TOGARAM2: variants seen among roughly 807,000 people sequenced by gnomAD.
TOGARAM2 encodes the protein TOG array regulator of axonemal microtubules protein 2.
In TOGARAM2, 85 loss-of-function variants were observed where a neutral mutation model predicts 93.3. The observed-to-expected ratio is 0.91, with a 90% CI of 0.76 to 1.09. The LOEUF is 1.09. TOGARAM2 is among the 50% of genes least tolerant of loss of function. TOGARAM2 has a pLI of 0.00. For synonymous variants in TOGARAM2, 593 were observed against 552.8 expected (o/e 1.07, Z -1.02); for missense variants, 1,277 against 1,334.5 (o/e 0.96, Z 0.67).
chr2:28,999,018 C>CT (rs1673138252), intron 3 of TOGARAM2, among the ~76,000 whole-genome samples, 163 bp from the exon 4 acceptor site: 1 of 152,114 alleles, frequency 6.6e-6, no homozygotes, highest in Non-Finnish European at 1.5e-5. Flanking sequence ...GAGACACTGT[C>CT]GAATGAATGA....
In TOGARAM2 at chr2:29,045,378, G is replaced by A. The variant is rs150801790; in HGVS notation, c.2690G>A (p.Arg897His). The change falls in exon 19 of 20, where the codon CGT becomes CAT. Residue 897 changes from arginine (R) to histidine (H), a missense_variant. Physicochemically the swap from Arg to His is conservative, Grantham distance 29. Coordinates refer to ENST00000379558, the MANE Select transcript of TOGARAM2 (RefSeq NM_199280.4). ...LAGRVRFLSG[R>H]AVLDVTDRLA... is the part of the protein sequence containing the mutation. The stretch of plus-strand genomic sequence containing the variant: ...GGGCGAGTGCGTTTCCTGAGTGGCC[G>A]TGCGGTGCTGGATGTCACAGATCGC... The A allele has an allele frequency of 2.0e-4, 324 of 1,613,550 alleles. No homozygotes were observed. Among genetic ancestry groups the A allele is most frequent in the Non-Finnish European group, 2.5e-4 (296 of 1,179,862 alleles).
intron 6 of TOGARAM2, among the ~76,000 whole-genome samples, chr2:29,009,060 A>G (rs1664056016): frequency 6.6e-6 from 1 of 152,218 alleles, no homozygotes; most frequent in Admixed American, 6.5e-5. Flanking sequence ...ATAGGTCACA[A>G]TCTGTGTGCT....
At chr2:29,024,020 G>C in intron 12 of TOGARAM2, 119 bp from the exon 13 acceptor site, 1 of 815,224 alleles carries the variant, frequency 1.2e-6, no homozygotes, top group Non-Finnish European at 1.9e-6. Flanking sequence ...GCGTGGCAAG[G>C]CCTAGGTCAG....
chr2:28,991,326 G>A (rs1402748411), intron 1 of TOGARAM2, among the ~76,000 whole-genome samples: 2 of 152,220 alleles, frequency 1.3e-5, no homozygotes, highest in Non-Finnish European at 2.9e-5. Context: ...ACTGGCTTGT[G>A]GGGTGTGAGA....
chr2:28,986,739 C>T (rs1183483515), intron 1 of TOGARAM2, among the ~76,000 whole-genome samples: 1 of 152,210 alleles, frequency 6.6e-6, no homozygotes. Flanking sequence ...TCAAAAGGGA[C>T]ATTTCCCCTC....
chr2:28,987,802 A>G (rs1190230989), intron 1 of TOGARAM2, among the ~76,000 whole-genome samples: 4 of 152,190 alleles, frequency 2.6e-5, no homozygotes, highest in African/African-American at 9.7e-5. Context: ...GTGGTGGTAG[A>G]CCCAGAGCTG....
intron 18 of TOGARAM2, among the ~76,000 whole-genome samples, chr2:29,041,032 T>A (rs1184758296): frequency 4.0e-5 from 6 of 151,668 alleles, no homozygotes; most frequent in African/African-American, 1.5e-4. Flanking sequence ...TCACTTTTTT[T>A]TTTTTTTTTT....
intron 1 of TOGARAM2, among the ~76,000 whole-genome samples, chr2:28,960,126 A>C (rs961990451): frequency 6.6e-6 from 1 of 152,172 alleles, no homozygotes; most frequent in Non-Finnish European, 1.5e-5. Flanking sequence ...ATTGACCAAA[A>C]TGTCATTATG....
Position 29,035,533 on chromosome 2 carries a change from G to C in TOGARAM2, c.2295G>C (p.Glu765Asp). The C allele has an allele frequency of 6.4e-7, 1 of 1,571,506 alleles. No homozygotes were observed. The highest frequency in any genetic ancestry group is 1.2e-5 in the South Asian group (1 of 84,196). Residue 765 changes from glutamate (E) to aspartate (D), a missense_variant, in exon 17 of 20, where the codon GAG becomes GAC. Coordinates refer to ENST00000379558, the MANE Select transcript of TOGARAM2 (RefSeq NM_199280.4). ...TGCAGGGCCGCGGGGAGATGGTGGA[G>C]CAGCTACGGGAGCTGACACGGCTGC... is the stretch of plus-strand genomic sequence containing the variant. ...STLQGRGEMV[E>D]QLRELTRLLE... is the part of the protein sequence containing the mutation.
Position 29,014,570 on chromosome 2 carries a change from G to C in TOGARAM2, c.1044+9G>C. The C allele has an allele frequency of 1.3e-6, 2 of 1,561,022 alleles. No homozygotes were observed. Among genetic ancestry groups the C allele is most frequent in the Non-Finnish European group, 1.7e-6 (2 of 1,151,968 alleles). On this transcript the variant is annotated intron_variant, in intron 8 of 19. Transcript: ENST00000379558. ...AGGAGATCGGCACCAAGGTACCTGG[G>C]GAGCGGGAGGAGGAGGAAGTGGGGC... is the stretch of plus-strand genomic sequence containing the variant.
chr2:28,979,732 G>A (rs1180916682), upstream of TOGARAM2, among the ~76,000 whole-genome samples: 1 of 152,152 alleles, frequency 6.6e-6, no homozygotes, highest in Non-Finnish European at 1.5e-5. Context: ...AGTGGGGCCT[G>A]ATTAGAGGGG....
At chr2:29,040,212 T>C (rs1666347817) in intron 18 of TOGARAM2, among the ~76,000 whole-genome samples, 1 of 152,258 alleles carries the variant, frequency 6.6e-6, no homozygotes, top group Non-Finnish European at 1.5e-5. Context: ...AATATAGTTT[T>C]GATTTTGCTT....
intron 17 of TOGARAM2, 71 bp downstream of exon 17, chr2:29,035,727 C>G: frequency 7.8e-7 from 1 of 1,289,810 alleles, no homozygotes. Flanking sequence ...TTTGAAAACT[C>G]TGAATGGCGT....
chr2:29,009,908 G>A (rs1181692914), intron 6 of TOGARAM2, among the ~76,000 whole-genome samples: 1 of 152,136 alleles, frequency 6.6e-6, no homozygotes, highest in East Asian at 1.9e-4. Flanking sequence ...GCCTGTCTTG[G>A]CCTCAGTCCT....
At position 29,033,027 on chromosome 2, in the gene TOGARAM2, G is replaced by A. The variant is rs772487153; in HGVS notation, c.2106G>A (p.Lys702=). The A allele has an allele frequency of 1.9e-6, 3 of 1,613,646 alleles. No homozygotes were observed. The African/African-American group carries it at 4.0e-5, about 22-fold the overall frequency. The change falls in exon 15 of 20, where the codon AAG becomes AAA. Residue 702 remains lysine (K), a synonymous_variant. Coordinates refer to ENST00000379558, the MANE Select transcript of TOGARAM2 (RefSeq NM_199280.4). ...KQSLPSYDLQ[K]VMAAIKQQGI... The stretch of plus-strand genomic sequence containing the variant: ...CTCTCCCATCTTACGACTTGCAGAA[G>A]GTCATGGCGGCCATTAAACAGCAGG...
At chr2:28,971,813 G>A (rs1671949891) in intron 1 of TOGARAM2, among the ~76,000 whole-genome samples, 2 of 152,160 alleles carry the variant, frequency 1.3e-5, no homozygotes, top group Admixed American at 1.3e-4. Context: ...AATATTATTT[G>A]AATCGAATGA....
chr2:28,973,657 C>T (rs4666154), intron 1 of TOGARAM2, among the ~76,000 whole-genome samples: 2 of 151,796 alleles, frequency 1.3e-5, no homozygotes, highest in Admixed American at 6.6e-5. Flanking sequence ...CAAGTAGCTG[C>T]GACCAAAGGC....
At chr2:28,994,578 G>A (rs1196934828) in intron 1 of TOGARAM2, 147 bp from the exon 2 acceptor site, 1 of 401,834 alleles carries the variant, frequency 2.5e-6, no homozygotes, top group South Asian at 3.3e-5. Context: ...ACATTTGTGA[G>A]TCCAATGTCA....
Position 29,017,836 on chromosome 2 carries a change from A to G in TOGARAM2, c.1240A>G (p.Arg414Gly), listed in dbSNP as rs371842247. ...RGSGTLSVPT[R>G]LSGPCRNDVS... ...CAGCGGGACACTGTCTGTGCCCACT[A>G]GGCTGAGCGGCCCATGCAGAAACGA... The change falls in exon 10 of 20, where the codon AGG (arginine) becomes GGG (glycine). Residue 414 changes from arginine to glycine, a missense_variant. Arg to Gly is a moderately radical substitution (Grantham distance 125, BLOSUM62 -2). Transcript: ENST00000379558. 1 of 1,613,404 alleles carries G rather than the reference A, an allele frequency of 6.2e-7. No individual in the cohort carries two copies. The highest frequency in any genetic ancestry group is 8.5e-7 in the Non-Finnish European group (1 of 1,179,646).
Sources: gnomAD v4.1 joint callset for allele counts (sites outside exome capture counted in the v4.1 genomes callset) on GRCh38, gnomAD v4.1.1 for gene constraint, MANE v1.5 for transcripts, NCBI Gene and HGNC (gene_info 2026-07-23, HGNC 2026-07-21) for gene names.